Variants in WWTR1 observed in about 807,000 individuals in gnomAD.
WWTR1 encodes the protein WW domain-containing transcription regulator protein 1.
WWTR1 carries 13 observed loss-of-function variants against 40.1 expected under a neutral mutation model. The observed-to-expected ratio is 0.32, with a 90% CI of 0.21 to 0.52. The LOEUF (loss-of-function observed/expected upper bound fraction) is 0.52, where lower values mean the gene tolerates loss of function less well. Ranked by LOEUF, WWTR1 falls within the 20% of genes least tolerant of loss-of-function variation. WWTR1 has a pLI of 0.97. For missense variants in WWTR1, 436 were observed against 523.1 expected, an observed-to-expected ratio of 0.83 and a Z score of 1.63; for synonymous variants, 230 against 210.1, an observed-to-expected ratio of 1.09 and a Z score of -0.82.
chr3:149,669,000 C>A (rs1576633553), intron 2 of WWTR1, among the ~76,000 whole-genome samples: 2 of 152,178 alleles, frequency 1.3e-5, no homozygotes, highest in Non-Finnish European at 2.9e-5. Flanking sequence ...TTACAGCCTC[C>A]AACACAAGCC....
intron 2 of WWTR1, among the ~76,000 whole-genome samples, chr3:149,652,863 T>C (rs184539965): frequency 1.3e-5 from 2 of 152,052 alleles, no homozygotes; most frequent in East Asian, 3.9e-4. Flanking sequence ...AAGAATTAAA[T>C]ATGGGTACAG....
At chr3:149,543,580 CAA>C (rs755442408) in intron 3 of WWTR1, among the ~76,000 whole-genome samples, 1,100 of 31,194 alleles carry the variant, frequency 0.035, 17 homozygotes, top group African/African-American at 0.11. Flanking sequence ...GACTCTGTCT[CAA>C]AAAAAAAAAA....
chr3:149,664,758 T>C (rs1713735899), intron 2 of WWTR1, among the ~76,000 whole-genome samples: 1 of 151,934 alleles, frequency 6.6e-6, no homozygotes, highest in African/African-American at 2.4e-5. Context: ...CTGGCTGATT[T>C]TGTATTTTAG....
At chr3:149,657,718 G>A (rs1304616171) in intron 1 of WWTR1, 47 bp downstream of exon 1, 1 of 174,936 alleles carries the variant, frequency 5.7e-6, no homozygotes, top group Admixed American at 5.9e-5. Flanking sequence ...GGAGCCTGGA[G>A]CCCTGGAGTG....
chr3:149,698,812 GC>G (rs1406390770), intron 1 of WWTR1, among the ~76,000 whole-genome samples: 4 of 152,186 alleles, frequency 2.6e-5, no homozygotes, highest in African/African-American at 9.7e-5. Context: ...TTGTACCTGG[GC>G]CCCTTTGAGC....
intron 1 of WWTR1, among the ~76,000 whole-genome samples, chr3:149,672,457 A>G (rs1017152147): frequency 2.6e-5 from 4 of 152,214 alleles, no homozygotes; most frequent in Admixed American, 2.6e-4. Context: ...GGAGGGTGGA[A>G]CAAATTGTGG....
chr3:149,529,764 G>T (rs915129980), intron 4 of WWTR1, among the ~76,000 whole-genome samples: 1 of 152,122 alleles, frequency 6.6e-6, no homozygotes, highest in African/African-American at 2.4e-5. Flanking sequence ...AAAAGCCTGA[G>T]TCCCACCAGT....
intron 3 of WWTR1, among the ~76,000 whole-genome samples, chr3:149,550,554 A>C (rs1736568538): frequency 6.6e-6 from 1 of 152,174 alleles, no homozygotes; most frequent in African/African-American, 2.4e-5. Flanking sequence ...ATGAATGAAT[A>C]TTATATTAAG....
At chr3:149,642,740 A>ACTC (rs2108130146) in intron 2 of WWTR1, among the ~76,000 whole-genome samples, 1 of 150,580 alleles carries the variant, frequency 6.6e-6, no homozygotes, top group East Asian at 2.0e-4. Flanking sequence ...GGGCCACTGC[A>ACTC]CTCCAGCCTG....
upstream of WWTR1, among the ~76,000 whole-genome samples, chr3:149,703,795 C>T (rs1242486456): frequency 1.3e-5 from 2 of 152,178 alleles, no homozygotes; most frequent in Admixed American, 1.3e-4. Context: ...CTTTTGCTCC[C>T]TCTTTGCCAT....
intron 3 of WWTR1, among the ~76,000 whole-genome samples, chr3:149,543,384 C>A (rs1053686637): frequency 1.3e-5 from 2 of 151,610 alleles, no homozygotes; most frequent in African/African-American, 2.4e-5. Context: ...AGATCGAGAC[C>A]ATCCTGGCCA....
chr3:149,550,773 A>T (rs1736584392), intron 3 of WWTR1, among the ~76,000 whole-genome samples: 1 of 146,996 alleles, frequency 6.8e-6, no homozygotes, highest in African/African-American at 2.6e-5. Context: ...CTGCTTGAAT[A>T]TCTGCTGACA....
chr3:149,696,404 A>G (rs1410282141), intron 1 of WWTR1, among the ~76,000 whole-genome samples: 1 of 152,210 alleles, frequency 6.6e-6, no homozygotes, highest in Non-Finnish European at 1.5e-5. Flanking sequence ...CTTTACAGGA[A>G]TTCTCTTTTA....
At chr3:149,675,547 T>A (rs1040452605) in intron 1 of WWTR1, among the ~76,000 whole-genome samples, 4 of 152,070 alleles carry the variant, frequency 2.6e-5, no homozygotes, top group African/African-American at 4.8e-5. Context: ...AGGAGAATAA[T>A]GGTACCGAAG....
At chr3:149,647,383 C>T (rs997622734) in intron 2 of WWTR1, among the ~76,000 whole-genome samples, 3 of 152,194 alleles carry the variant, frequency 2.0e-5, no homozygotes, top group East Asian at 3.8e-4. Context: ...AGGCCACTGG[C>T]TGCCCAGGCA....
At chr3:149,637,419 C>T (rs1033828919) in intron 2 of WWTR1, among the ~76,000 whole-genome samples, 2 of 151,656 alleles carry the variant, frequency 1.3e-5, no homozygotes, top group South Asian at 2.1e-4. Flanking sequence ...TTAGTAGAGA[C>T]GGGGTTTCAC....
intron 1 of WWTR1, among the ~76,000 whole-genome samples, chr3:149,671,934 T>C (rs924506797): frequency 6.6e-6 from 1 of 152,176 alleles, no homozygotes; most frequent in African/African-American, 2.4e-5. Context: ...CAAAGCCTAT[T>C]TCTTTCTCAC....
chr3:149,711,521 C>T (rs985949077), intron 5 of WWTR1, among the ~76,000 whole-genome samples: 2 of 152,164 alleles, frequency 1.3e-5, no homozygotes, highest in Admixed American at 6.6e-5. Flanking sequence ...ATCTAGCCAG[C>T]TTCTGGGCAT....
chr3:149,536,482 A>AT lies in WWTR1; in HGVS notation c.771+5852_771+5853insA, dbSNP rs112506707. 8.1e-5 allele frequency among the ~76,000 whole-genome samples: 12 copies of AT among 148,356 alleles called. 1 individual carries two copies. The South Asian group carries it at 2.6e-3, about 32-fold the overall frequency. ...TATTCTTTGCATGACAAAAAAAAAAAGGGGGGGGCCTCAGAACCTTCCCCA... is the reference window on the plus strand; with the variant it reads ...TATTCTTTGCATGACAAAAAAAAAAATGGGGGGGGCCTCAGAACCTTCCCCA... On this transcript the variant is annotated intron_variant, in intron 4 of 6. Transcript: ENST00000360632.
Sources: allele counts gnomAD v4.1 joint callset (sites outside exome capture counted in the v4.1 genomes callset), GRCh38; gene constraint gnomAD v4.1.1; transcripts MANE v1.5; gene names NCBI Gene and HGNC (gene_info 2026-07-23, HGNC 2026-07-21).